PTPRN2: variants seen among roughly 807,000 people sequenced by gnomAD.
PTPRN2 encodes protein tyrosine phosphatase receptor type N2.
PTPRN2 carries 74 observed loss-of-function variants against 118.8 expected under a neutral mutation model. The ratio of observed to expected loss-of-function variants is 0.62; its 90% CI spans 0.52 to 0.76. The LOEUF is 0.76. Among genes scored for constraint, PTPRN2 ranks in the 30% least tolerant of loss-of-function variants. PTPRN2 has a pLI of 0.00. For synonymous variants in PTPRN2, 641 were observed against 608.0 expected (o/e 1.05, Z -0.80); for missense variants, 1,481 against 1,394.4 (o/e 1.06, Z -0.99).
At chr7:157,592,178 C>T (rs1249352132) in intron 17 of PTPRN2, among the ~76,000 whole-genome samples, 1 of 152,214 alleles carries the variant, frequency 6.6e-6, no homozygotes, top group South Asian at 2.1e-4. Context: ...AGAATATATG[C>T]TCCTTGATTA....
intron 2 of PTPRN2, among the ~76,000 whole-genome samples, chr7:158,351,255 G>A (rs1052480288): frequency 9.9e-5 from 15 of 152,122 alleles, no homozygotes; most frequent in African/African-American, 3.6e-4. Flanking sequence ...GGTCCAGGAG[G>A]GGGACTCACC....
chr7:158,441,076 T>C (rs375321972), intron 2 of PTPRN2, among the ~76,000 whole-genome samples: 1 of 140,282 alleles, frequency 7.1e-6, no homozygotes, highest in East Asian at 2.0e-4. Context: ...GTAGTGATGG[T>C]GGTGCTGGTG....
rs139869343 is a variant in PTPRN2 at position 157,552,759 on chromosome 7, G to A, written c.2903-3740C>T. Among the ~76,000 whole-genome samples the A allele has an allele frequency of 1.6e-3, 238 of 152,352 alleles. 2 individuals are homozygous for A. The highest frequency in any genetic ancestry group is 2.6e-3 in the Non-Finnish European group (179 of 68,038). ...CAGACGTCGAGTTGTGTCACATGAC[G>A]TGGGGAAGCTCGGGCTACAGTGCTG... On this transcript the variant is annotated intron_variant, in intron 21 of 22. Transcript: ENST00000389418.
rs1414069533 is a variant in PTPRN2, at chr7:158,587,623, G to A, written c.47C>T (p.Pro16Leu). ...PLLLLLLLLL[P>L]PRVLPAAPSS... ...AGGGGCGGCAGGCAGGACGCGTGGC[G>A]GCAGCAGCAGCAGTAGCAGCAGCAG... The change falls in exon 1 of 23, where the codon CCG becomes CTG. Residue 16 changes from proline to leucine, a missense_variant. This residue lies in a region of PTPRN2 where 1,115 missense variants were observed against 994.2 expected (regional missense o/e 1.12). Coordinates refer to ENST00000389418, the MANE Select transcript of PTPRN2 (RefSeq NM_002847.5). The A allele has an allele frequency of 6.6e-6, 9 of 1,360,298 alleles. No homozygotes were observed. The highest frequency in any genetic ancestry group is 3.1e-5 in the East Asian group (1 of 32,418). 84.3% of individuals were successfully genotyped at this position (1,360,298 alleles called of 1,614,324 possible).
At chr7:158,342,479 C>T (rs376926621) in intron 2 of PTPRN2, among the ~76,000 whole-genome samples, 2,280 of 59,440 alleles carry the variant, frequency 0.038, 229 homozygotes, top group Middle Eastern at 0.061. Context: ...AGAGCTGACA[C>T]CTGCAGACGT....
chr7:157,735,672 ACT>A (rs1324868993), intron 12 of PTPRN2, among the ~76,000 whole-genome samples: 2 of 151,988 alleles, frequency 1.3e-5, no homozygotes, highest in African/African-American at 2.4e-5. Context: ...ACAGAACATG[ACT>A]CGCCTCCTTG....
At chr7:158,174,247 T>C (rs528348931) in intron 5 of PTPRN2, among the ~76,000 whole-genome samples, 6 of 152,294 alleles carry the variant, frequency 3.9e-5, no homozygotes, top group African/African-American at 1.4e-4. Flanking sequence ...GTCCCTCCAT[T>C]TGGGGTCCCT....
At chr7:158,395,467 AGGGGCGAGGG>A (rs1812329891) in intron 2 of PTPRN2, among the ~76,000 whole-genome samples, 1 of 37,746 alleles carries the variant, frequency 2.6e-5, no homozygotes, top group Non-Finnish European at 4.9e-5. Context: ...GCGAGGGGCG[AGGGGCGAGGG>A]GCCAGGGGCG....
At chr7:158,458,569 C>T (rs893675300) in intron 2 of PTPRN2, among the ~76,000 whole-genome samples, 1 of 152,188 alleles carries the variant, frequency 6.6e-6, no homozygotes, top group Non-Finnish European at 1.5e-5. Context: ...ACGAAGTCGA[C>T]CGCCGGAGCC....
chr7:158,181,300 G>T (rs1824684827), intron 5 of PTPRN2, among the ~76,000 whole-genome samples: 1 of 152,100 alleles, frequency 6.6e-6, no homozygotes, highest in Admixed American at 6.5e-5. Flanking sequence ...ACTTGATCAT[G>T]GTTTATTATC....
Position 158,464,652 on chromosome 7 carries a change from C to T in PTPRN2, c.163+25083G>A, listed in dbSNP as rs148205665. Among the ~76,000 whole-genome samples, 1,008 of 151,076 alleles carry T rather than the reference C, an allele frequency of 6.7e-3. 18 individuals carry two copies. Among genetic ancestry groups the T allele is most frequent in the South Asian group, 0.046 (215 of 4,702 alleles). On this transcript the variant is annotated intron_variant, in intron 2 of 22. Transcript: ENST00000389418. ...ACAATCACTTCATCGTCACCATCAT[C>T]ATCCTTACCATCACCATCATTGCCA...
chr7:158,421,204 T>C (rs1448790731), intron 2 of PTPRN2, among the ~76,000 whole-genome samples: 2 of 152,166 alleles, frequency 1.3e-5, no homozygotes, highest in Non-Finnish European at 2.9e-5. Flanking sequence ...GCACCTGTCA[T>C]GTCCTGCACA....
intron 13 of PTPRN2, among the ~76,000 whole-genome samples, chr7:157,657,875 CACACACACACACCACACACATCACAG>C (rs1251928262): frequency 3.6e-5 from 4 of 112,588 alleles, no homozygotes; most frequent in East Asian, 3.1e-4. Context: ...ACACACACAC[CACACACACACACCACACACATCACAG>C]ACACACACAC....
intron 3 of PTPRN2, among the ~76,000 whole-genome samples, chr7:158,276,561 C>A (rs1799016819): frequency 6.6e-6 from 1 of 152,164 alleles, no homozygotes; most frequent in Non-Finnish European, 1.5e-5. Flanking sequence ...CACACCCTGG[C>A]CCTGGGCAGT....
At chr7:158,459,503 T>G (rs1818807822) in intron 2 of PTPRN2, among the ~76,000 whole-genome samples, 1 of 152,110 alleles carries the variant, frequency 6.6e-6, no homozygotes, top group African/African-American at 2.4e-5. Flanking sequence ...CCCTACCTAT[T>G]ACTCTATACT....
At chr7:157,675,388 C>T (rs896717648) in intron 13 of PTPRN2, among the ~76,000 whole-genome samples, 1 of 152,182 alleles carries the variant, frequency 6.6e-6, no homozygotes, top group East Asian at 1.9e-4. Context: ...CCCCCAGGGC[C>T]CCGGACCACA....
intron 11 of PTPRN2, among the ~76,000 whole-genome samples, chr7:158,053,694 G>A (rs1299074833): frequency 6.7e-6 from 1 of 149,452 alleles, no homozygotes; most frequent in Admixed American, 6.6e-5. Flanking sequence ...TGCGGAAGAT[G>A]CAGAGACCCC....
intron 14 of PTPRN2, among the ~76,000 whole-genome samples, chr7:157,648,528 G>A: frequency 7.4e-6 from 1 of 134,972 alleles, no homozygotes; most frequent in Non-Finnish European, 1.6e-5. Flanking sequence ...GAACTCGGTG[G>A]GTCAGACCCT....
intron 11 of PTPRN2, among the ~76,000 whole-genome samples, chr7:157,906,761 T>C (rs10239274): frequency 0.013 from 1,964 of 151,950 alleles, 43 homozygotes; most frequent in African/African-American, 0.045. Flanking sequence ...CCACGGGCGG[T>C]GTGGAGGATG....
Sources: gnomAD v4.1 joint callset for allele counts (sites outside exome capture counted in the v4.1 genomes callset) on GRCh38, gnomAD v4.1.1 for gene constraint, gnomAD v4.1.1 regional missense constraint, MANE v1.5 for transcripts, NCBI Gene and HGNC (gene_info 2026-07-23, HGNC 2026-07-21) for gene names.